The following SMYD2 variants were observed in gnomAD, a reference collection of about 807,000 sequenced individuals.
SMYD2 encodes N-lysine methyltransferase SMYD2.
A neutral mutation model predicts 59.1 loss-of-function variants in SMYD2; 53 were observed. The ratio of observed to expected loss-of-function variants is 0.90; its 90% CI spans 0.72 to 1.13. The LOEUF (loss-of-function observed/expected upper bound fraction) is 1.13. Ranked by LOEUF, SMYD2 falls within the 50% of genes most tolerant of loss-of-function variation. The probability of loss-of-function intolerance (pLI) is 0.00; values close to 1 mark genes in which losing one functional copy is unlikely to be tolerated. For missense variants in SMYD2, 494 were observed against 544.7 expected, an observed-to-expected ratio of 0.91 and a Z score of 0.93; for synonymous variants, 208 against 198.8, an observed-to-expected ratio of 1.05 and a Z score of -0.39.
intron 1 of SMYD2, among the ~76,000 whole-genome samples, chr1:214,288,599 A>G (rs1656587787): frequency 1.3e-5 from 2 of 152,190 alleles, no homozygotes; most frequent in Non-Finnish European, 2.9e-5. Context: ...TTGGCCAACA[A>G]TTTAACAAAC....
At chr1:214,335,821 G>T (rs6540825) in intron 11 of SMYD2, among the ~76,000 whole-genome samples, 152,047 of 152,304 alleles carry the variant, frequency 1, 75,896 homozygotes, top group East Asian at 1. Flanking sequence ...ACTTGACCAT[G>T]TTACATTGCC....
intron 1 of SMYD2, among the ~76,000 whole-genome samples, chr1:214,296,572 G>A (rs1656731033): frequency 1.3e-5 from 2 of 152,168 alleles, no homozygotes; most frequent in Non-Finnish European, 2.9e-5. Context: ...AATTAAAAGT[G>A]TAGTAGTACC....
chr1:214,303,932 G>C (rs1021140566), intron 1 of SMYD2, among the ~76,000 whole-genome samples: 1 of 152,242 alleles, frequency 6.6e-6, no homozygotes, highest in African/African-American at 2.4e-5. Flanking sequence ...GGGTGGGCAA[G>C]AGTTCGACAG....
At position 214,281,336 on chromosome 1, in the gene SMYD2, C is replaced by T. The variant is rs1433404752; in HGVS notation, c.82C>T (p.Gln28Ter). 1 of 1,438,894 alleles carries T rather than the reference C, an allele frequency of 6.9e-7. No homozygotes were observed. Among genetic ancestry groups the T allele is most frequent in the Admixed American group, 2.3e-5 (1 of 43,762 alleles). 89.1% of individuals were successfully genotyped at this position (1,438,894 alleles called of 1,614,324 possible). The change falls in exon 1 of 12, where the codon CAG becomes TAG. Residue 28 changes from glutamine (Q) to a stop codon, truncating the protein, a stop_gained. Coordinates refer to ENST00000366957, the MANE Select transcript of SMYD2 (RefSeq NM_020197.3). LOFTEE classifies it high-confidence loss of function. The part of the protein sequence containing the change: ...GRGLRALQPF[Q>*]VGDLLFSCPA... ...GGGGCTGCGGGCTCTGCAGCCCTTC[C>T]AGGTGGGGGACTTGCTGTTCTCCTG... is the stretch of plus-strand genomic sequence containing the variant.
intron 3 of SMYD2, among the ~76,000 whole-genome samples, chr1:214,317,543 C>T (rs1275185455): frequency 2.6e-5 from 4 of 152,180 alleles, no homozygotes; most frequent in Non-Finnish European, 5.9e-5. Flanking sequence ...CAAAGCCTAG[C>T]GGGTTTACTA....
chr1:214,300,873 C>G (rs192272923), intron 1 of SMYD2, among the ~76,000 whole-genome samples: 6 of 152,258 alleles, frequency 3.9e-5, no homozygotes, highest in Non-Finnish European at 7.4e-5. Context: ...CAGCAGTTTT[C>G]AAACTTTCTG....
At chr1:214,329,837 A>G (rs1283158822) in intron 7 of SMYD2, among the ~76,000 whole-genome samples, 1 of 152,242 alleles carries the variant, frequency 6.6e-6, no homozygotes, top group Non-Finnish European at 1.5e-5. Context: ...CATGAAGGCC[A>G]GGCAGAGGCA....
chr1:214,296,126 G>A (rs1001175993), intron 1 of SMYD2, among the ~76,000 whole-genome samples: 1 of 152,206 alleles, frequency 6.6e-6, no homozygotes, highest in South Asian at 2.1e-4. Context: ...ATTCATTTCA[G>A]TAGCAGAAAG....
At position 214,313,739 on chromosome 1, in the gene SMYD2, T is replaced by TGCTTC. The variant is rs144112522; in HGVS notation, c.238-1022_238-1018dup. Among the ~76,000 whole-genome samples, 461 of 152,204 alleles carry TGCTTC rather than the reference T, an allele frequency of 3.0e-3. 1 individual carries two copies. The highest frequency in any genetic ancestry group is 0.011 in the African/African-American group (442 of 41,506). On this transcript the variant is annotated intron_variant, in intron 2 of 11. Transcript: ENST00000366957. ...TTTACTCCCTAGTCCTCAAAGTACT[T>TGCTTC]GCTTCCCTCAGCCTCCAAAACACCA...
intron 1 of SMYD2, among the ~76,000 whole-genome samples, chr1:214,282,734 G>A (rs1355086918): frequency 6.6e-6 from 1 of 152,054 alleles, no homozygotes; most frequent in Non-Finnish European, 1.5e-5. Context: ...ACTAGACACG[G>A]AATCATGCCG....
rs777417540 is a variant in SMYD2 at position 214,331,998 on chromosome 1, T to G, written c.938-20T>G. On this transcript the variant is annotated intron_variant, in intron 9 of 11. Coordinates refer to ENST00000366957, the MANE Select transcript of SMYD2 (RefSeq NM_020197.3). ...CCAGGCAGCTTGGGCCCGGTGGCCC[T>G]TTCCTTGACTCCACAGCACCCCCTA... 6.2e-7 allele frequency: 1 copy of G among 1,605,820 alleles called. No individual in the cohort carries two copies. Among genetic ancestry groups the G allele is most frequent in the Non-Finnish European group, 8.5e-7 (1 of 1,176,542 alleles).
In SMYD2 at chr1:214,281,343, G is replaced by A; in HGVS notation, c.89G>A (p.Gly30Glu). ...CGGGCTCTGCAGCCCTTCCAGGTGG[G>A]GGACTTGCTGTTCTCCTGCCCGGCC... The part of the protein sequence containing the change: ...GLRALQPFQV[G>E]DLLFSCPAYA... Residue 30 changes from glycine to glutamate, a missense_variant, in exon 1 of 12, where the codon GGG becomes GAG. Gly to Glu is a moderately conservative substitution (Grantham distance 98, BLOSUM62 -2). Coordinates refer to ENST00000366957, the MANE Select transcript of SMYD2 (RefSeq NM_020197.3). 1.4e-6 allele frequency: 2 copies of A among 1,448,592 alleles called. No homozygotes were observed. The highest frequency in any genetic ancestry group is 1.8e-6 in the Non-Finnish European group (2 of 1,092,066). The allele number at this position is 1,448,592 out of a possible 1,614,324, so 89.7% of individuals were successfully genotyped here. A position where few individuals can be genotyped will look rare whatever the true frequency, so the allele number is the denominator to read the frequency against.
chr1:214,322,169 A>G (rs919021336), intron 5 of SMYD2, among the ~76,000 whole-genome samples: 6 of 152,332 alleles, frequency 3.9e-5, no homozygotes, highest in Admixed American at 2.0e-4. Flanking sequence ...TTTCTGATTC[A>G]TTGTTTCATT....
intron 1 of SMYD2, 121 bp downstream of exon 1, chr1:214,281,548 G>A (rs1472867262): frequency 2.4e-6 from 2 of 844,932 alleles, no homozygotes; most frequent in East Asian, 5.9e-5. Flanking sequence ...TTGGGGCGGG[G>A]TGGGGGGCGG....
chr1:214,303,790 C>T (rs1304258294), intron 1 of SMYD2, among the ~76,000 whole-genome samples: 7 of 152,228 alleles, frequency 4.6e-5, no homozygotes, highest in Non-Finnish European at 1.0e-4. Context: ...GCCCCCACCG[C>T]GCACGCCCCC....
At chr1:214,298,459 C>T (rs1656767872) in intron 1 of SMYD2, among the ~76,000 whole-genome samples, 1 of 152,098 alleles carries the variant, frequency 6.6e-6, no homozygotes, top group African/African-American at 2.4e-5. Flanking sequence ...TCCTAGAACA[C>T]CTAGGAAATA....
In SMYD2 at chr1:214,332,114, A is replaced by G; in HGVS notation, c.1034A>G (p.Gln345Arg). 1 of 1,614,208 alleles carries G rather than the reference A, an allele frequency of 6.2e-7. No homozygotes were observed. The highest frequency in any genetic ancestry group is 8.5e-7 in the Non-Finnish European group (1 of 1,180,040). The change falls in exon 10 of 12, where the codon CAG becomes CGG. Residue 345 changes from glutamine to arginine, a missense_variant. Transcript: ENST00000366957. ...SNVYMLHMMY[Q>R]AMGVCLYMQD... ...GTGTACATGTTGCACATGATGTACC[A>G]GGCCATGGGTGTCTGCTTGTACATG...
At chr1:214,323,668 T>C (rs1487907778) in intron 5 of SMYD2, among the ~76,000 whole-genome samples, 1 of 152,168 alleles carries the variant, frequency 6.6e-6, no homozygotes, top group African/African-American at 2.4e-5. Flanking sequence ...CTTGAACTCC[T>C]GACCTCAGGT....
Position 214,334,263 on chromosome 1 carries a change from C to T in SMYD2, c.1176C>T (p.Tyr392=). 1 of 1,614,016 alleles carries T rather than the reference C, an allele frequency of 6.2e-7. No individual in the cohort carries two copies. The highest frequency in any genetic ancestry group is 8.5e-7 in the Non-Finnish European group (1 of 1,180,034). Reference sequence around the variant, plus strand: ...TGTGGTTGAAGCTAGGGAGACTCTACATGGGCCTGGAACACAAAGCCGCAG... The same window carrying T: ...TGTGGTTGAAGCTAGGGAGACTCTATATGGGCCTGGAACACAAAGCCGCAG... ...ASMWLKLGRL[Y]MGLEHKAAGE... Residue 392 remains tyrosine (Y), a synonymous_variant, in exon 11 of 12, where the codon TAC becomes TAT. Transcript: ENST00000366957.
Sources: allele counts gnomAD v4.1 joint callset (sites outside exome capture counted in the v4.1 genomes callset), GRCh38; gene constraint gnomAD v4.1.1; transcripts MANE v1.5; gene names NCBI Gene and HGNC (gene_info 2026-07-23, HGNC 2026-07-21).